The following SIK3 variants were observed in gnomAD, a reference collection of about 807,000 sequenced individuals.
SIK3 encodes SIK family kinase 3.
A neutral mutation model predicts 144.2 loss-of-function variants in SIK3; 28 were observed. The observed-to-expected ratio is 0.19, with a 90% confidence interval of 0.14 to 0.27. The LOEUF (loss-of-function observed/expected upper bound fraction) is 0.27, where lower values mean the gene tolerates loss of function less well. Among genes scored for constraint, SIK3 ranks in the 10% least tolerant of loss-of-function variants. The pLI, the probability that SIK3 is intolerant of heterozygous loss-of-function variation, is 1.00. For synonymous variants in SIK3, 686 were observed against 676.3 expected, an observed-to-expected ratio of 1.01 and a Z score of -0.22; for missense variants, 1,319 against 1,776.0, an observed-to-expected ratio of 0.74 and a Z score of 4.62.
chr11:116,922,814 G>A (rs1422811941), intron 4 of SIK3, among the ~76,000 whole-genome samples: 1 of 150,618 alleles, frequency 6.6e-6, no homozygotes, highest in Non-Finnish European at 1.5e-5. Flanking sequence ...TTCCTAATCT[G>A]AGTTTTATTA....
At chr11:116,990,588 A>AT (rs1308469363) in intron 1 of SIK3, among the ~76,000 whole-genome samples, 1 of 152,174 alleles carries the variant, frequency 6.6e-6, no homozygotes, top group African/African-American at 2.4e-5. Context: ...TACTCACTCG[A>AT]TCACTCTTCC....
chr11:116,876,182 G>A (rs1370063933), intron 8 of SIK3, 71 bp downstream of exon 8: 64 of 1,520,224 alleles, frequency 4.2e-5, no homozygotes, highest in Non-Finnish European at 5.6e-5. Flanking sequence ...TTCCCGAGAA[G>A]GCGAAAAATG....
chr11:116,922,242 C>A (rs1947026433), intron 4 of SIK3, among the ~76,000 whole-genome samples: 1 of 152,116 alleles, frequency 6.6e-6, no homozygotes, highest in Admixed American at 6.5e-5. Flanking sequence ...GTGGCTCATG[C>A]CCATAATTCT....
intron 1 of SIK3, among the ~76,000 whole-genome samples, chr11:116,980,651 A>G (rs146178826): frequency 0.072 from 11,031 of 152,224 alleles, 493 homozygotes; most frequent in Middle Eastern, 0.11. Context: ...TCAGGAGCTC[A>G]AGACCAGCCT....
chr11:116,920,159 T>C (rs199770094), intron 4 of SIK3, among the ~76,000 whole-genome samples: 1 of 121,858 alleles, frequency 8.2e-6, no homozygotes, highest in African/African-American at 3.8e-5. Context: ...CTGCTCACCC[T>C]TTTTTTTTTT....
intron 1 of SIK3, among the ~76,000 whole-genome samples, chr11:116,959,148 G>A (rs1433787182): frequency 6.6e-6 from 1 of 152,006 alleles, no homozygotes; most frequent in African/African-American, 2.4e-5. Context: ...TGGGCAATAT[G>A]GTGAAACCCC....
At chr11:116,872,985 A>G (rs1165564059) in intron 13 of SIK3, among the ~76,000 whole-genome samples, 1 of 152,236 alleles carries the variant, frequency 6.6e-6, no homozygotes, top group Non-Finnish European at 1.5e-5. Context: ...AAGATAACTG[A>G]CTCGGCTAAA....
Position 116,896,256 on chromosome 11 carries a change from T to C in SIK3, c.862A>G (p.Thr288Ala), listed in dbSNP as rs1265854644. ...GKFRIPFFMSTECEHLIRHML... is the reference protein window; with the variant it reads ...GKFRIPFFMSAECEHLIRHML... ...TGTGTGCTAGCGACTCCCTTACCTG[T>C]GGACATAAAAAATGGGATGCGGAAC... The change falls in exon 6 of 25, where the codon ACA becomes GCA. Residue 288 changes from threonine to alanine, a missense_variant. By Grantham distance (58) the Thr-to-Ala change is moderately conservative (BLOSUM62 0). Transcript: ENST00000445177. 3 of 1,613,384 alleles carry C rather than the reference T, an allele frequency of 1.9e-6. No homozygotes were observed. The highest frequency in any genetic ancestry group is 2.2e-5 in the East Asian group (1 of 44,884).
chr11:117,062,441 C>T (rs1953837170), intron 1 of SIK3, among the ~76,000 whole-genome samples: 1 of 152,112 alleles, frequency 6.6e-6, no homozygotes, highest in African/African-American at 2.4e-5. Flanking sequence ...AAACCTAGTT[C>T]CAGTTTAGTT....
intron 1 of SIK3, among the ~76,000 whole-genome samples, chr11:117,056,678 G>A (rs767014077): frequency 4.6e-5 from 7 of 152,006 alleles, no homozygotes; most frequent in South Asian, 2.1e-4. Flanking sequence ...ACCTGCTAAC[G>A]AAAGTATAAA....
chr11:117,046,074 G>T lies in SIK3; in HGVS notation c.273+52069C>A, dbSNP rs564325900. On this transcript the variant is annotated intron_variant, in intron 1 of 24. Coordinates refer to ENST00000445177, the MANE Select transcript of SIK3 (RefSeq NM_001366686.3). ...AAGCCCTACCATTCATTGGTGGTAAGTGCAGTGGGCACTGTTCCTATCCAT... is the reference window on the plus strand; with the variant it reads ...AAGCCCTACCATTCATTGGTGGTAATTGCAGTGGGCACTGTTCCTATCCAT... Among the ~76,000 whole-genome samples the T allele has an allele frequency of 1.2e-3, 188 of 152,234 alleles. 1 individual carries two copies. The highest frequency in any genetic ancestry group is 1.1e-3 in the Non-Finnish European group (75 of 68,044).
intron 3 of SIK3, among the ~76,000 whole-genome samples, chr11:116,945,372 C>T (rs1278987748): frequency 1.4e-5 from 2 of 139,518 alleles, no homozygotes. Context: ...CCTGTAGCTT[C>T]ATGAATTCTT....
intron 3 of SIK3, among the ~76,000 whole-genome samples, chr11:116,943,700 C>T (rs1948432977): frequency 6.6e-6 from 1 of 152,042 alleles, no homozygotes; most frequent in Admixed American, 6.6e-5. Flanking sequence ...TTCCTTTAGC[C>T]TTCTTTCTCT....
intron 1 of SIK3, among the ~76,000 whole-genome samples, chr11:116,992,392 T>G (rs904174118): frequency 6.6e-5 from 10 of 150,744 alleles, no homozygotes; most frequent in Non-Finnish European, 1.3e-4. Context: ...CAATTCTTAC[T>G]ATTTCTGATT....
At position 116,987,258 on chromosome 11, in the gene SIK3, T is replaced by C. The variant is rs150083492; in HGVS notation, c.274-30194A>G. Among the ~76,000 whole-genome samples the C allele has an allele frequency of 5.8e-4, 88 of 151,536 alleles. 1 individual carries two copies. The highest frequency in any genetic ancestry group is 2.0e-3 in the African/African-American group (84 of 41,364). On this transcript the variant is annotated intron_variant, in intron 1 of 24. Coordinates refer to ENST00000445177, the MANE Select transcript of SIK3 (RefSeq NM_001366686.3). ...GGTTAAAACTTGCCATTTCAATTTGTTCAAACAAATTCCTGGCCAGCATCT... is the reference window on the plus strand; with the variant it reads ...GGTTAAAACTTGCCATTTCAATTTGCTCAAACAAATTCCTGGCCAGCATCT...
At chr11:116,882,780 G>A (rs1256949948) in intron 6 of SIK3, among the ~76,000 whole-genome samples, 1 of 152,156 alleles carries the variant, frequency 6.6e-6, no homozygotes, top group Admixed American at 6.5e-5. Flanking sequence ...CCCAGCCCAA[G>A]AGTTCTATAT....
At chr11:116,923,398 T>A (rs1947109482) in intron 4 of SIK3, among the ~76,000 whole-genome samples, 1 of 152,250 alleles carries the variant, frequency 6.6e-6, no homozygotes. Context: ...GTTACCTATC[T>A]GACCTTATCC....
intron 1 of SIK3, among the ~76,000 whole-genome samples, chr11:116,978,643 A>G (rs745932464): frequency 2.0e-5 from 3 of 151,922 alleles, no homozygotes; most frequent in African/African-American, 7.3e-5. Flanking sequence ...AACTAGAAAT[A>G]CGGGTACACA....
At chr11:116,987,746 C>T (rs1464662565) in intron 1 of SIK3, among the ~76,000 whole-genome samples, 2 of 152,138 alleles carry the variant, frequency 1.3e-5, no homozygotes, top group Non-Finnish European at 2.9e-5. Flanking sequence ...TAGTAGTAAA[C>T]CACGTCCACC....
Sources: allele counts gnomAD v4.1 joint callset (sites outside exome capture counted in the v4.1 genomes callset), GRCh38; gene constraint gnomAD v4.1.1; transcripts MANE v1.5; gene names NCBI Gene and HGNC (gene_info 2026-07-23, HGNC 2026-07-21).